Variants in STK38L observed in about 807,000 individuals in gnomAD.
STK38L encodes the protein serine/threonine kinase 38 like.
A neutral mutation model predicts 59.7 loss-of-function variants in STK38L; 28 were observed. The ratio of observed to expected loss-of-function variants is 0.47; its 90% confidence interval spans 0.35 to 0.64. The LOEUF is 0.64. Among genes scored for constraint, STK38L ranks in the 30% least tolerant of loss-of-function variants. The probability of loss-of-function intolerance (pLI) is 0.01; values close to 1 mark genes in which losing one functional copy is unlikely to be tolerated. For missense variants in STK38L, 314 were observed against 555.8 expected, an observed-to-expected ratio of 0.56 and a Z score of 4.37; for synonymous variants, 162 against 176.8, an observed-to-expected ratio of 0.92 and a Z score of 0.66.
At chr12:27,259,219 G>A (rs1047939637) in intron 1 of STK38L, among the ~76,000 whole-genome samples, 5 of 152,116 alleles carry the variant, frequency 3.3e-5, no homozygotes, top group Admixed American at 2.0e-4. Flanking sequence ...ATTTTCTTTT[G>A]TTATGTTTGT....
rs980755280 is a variant in STK38L at position 27,308,825 on chromosome 12, A to AAT, written c.310-280_310-279dup. 6.8e-5 allele frequency among the ~76,000 whole-genome samples: 10 copies of AAT among 148,080 alleles called. No homozygotes were observed. Among genetic ancestry groups the AAT allele is most frequent in the Non-Finnish European group, 5.9e-5 (4 of 67,282 alleles). On this transcript the variant is annotated intron_variant, in intron 4 of 13. Transcript: ENST00000389032. The surrounding 1 kb of genome is among the most constrained non-coding windows in gnomAD (Gnocchi z 4.5). The stretch of plus-strand genomic sequence containing the variant: ...CATGAGTGAAACGCTCTCTCAAAAA[A>AAT]ATATATATATGTGTTTGTATGTATA...
intron 1 of STK38L, among the ~76,000 whole-genome samples, chr12:27,291,484 TC>T (rs1943895022): frequency 6.6e-6 from 1 of 152,172 alleles, no homozygotes; most frequent in African/African-American, 2.4e-5. Context: ...GATCATGAAC[TC>T]CCTAAGGGCC....
intron 1 of STK38L, among the ~76,000 whole-genome samples, chr12:27,261,602 T>G (rs1943205653): frequency 6.6e-6 from 1 of 152,222 alleles, no homozygotes; most frequent in African/African-American, 2.4e-5. Context: ...CAGTAATATC[T>G]GAACTTTTTG....
chr12:27,255,065 C>T (rs1943062968), intron 1 of STK38L, among the ~76,000 whole-genome samples: 1 of 152,216 alleles, frequency 6.6e-6, no homozygotes, highest in East Asian at 1.9e-4. Context: ...CAGAAATCAA[C>T]ATACTTTAAA....
intron 1 of STK38L, among the ~76,000 whole-genome samples, chr12:27,274,828 T>C (rs1467728575): frequency 6.6e-6 from 1 of 152,214 alleles, no homozygotes; most frequent in Admixed American, 6.5e-5. Context: ...TATGTTTTCT[T>C]TTCTCTACTT....
chr12:27,254,165 C>A (rs961905060), intron 1 of STK38L, among the ~76,000 whole-genome samples: 1 of 152,174 alleles, frequency 6.6e-6, no homozygotes, highest in African/African-American at 2.4e-5. Flanking sequence ...TTCAAGAGCA[C>A]CTGACTTGAG....
chr12:27,268,933 G>A lies in STK38L; in HGVS notation c.-12+24601G>A, dbSNP rs1293119276. 2.0e-5 allele frequency among the ~76,000 whole-genome samples: 3 copies of A among 152,138 alleles called. No homozygotes were observed. In the South Asian group the frequency reaches 6.2e-4, roughly 32 times the overall value. On this transcript the variant is annotated intron_variant, in intron 1 of 13. Coordinates refer to ENST00000389032, the MANE Select transcript of STK38L (RefSeq NM_015000.4). ...AAATGTCTTCTTTTGAGAAGTGTCT[G>A]TTCATATCCTTCGCCCACTTTTTGA...
At chr12:27,290,641 T>C (rs1050049325) in intron 1 of STK38L, among the ~76,000 whole-genome samples, 4 of 152,166 alleles carry the variant, frequency 2.6e-5, no homozygotes, top group African/African-American at 4.8e-5. Flanking sequence ...TATTCTGTAA[T>C]CTCAAATGTG....
chr12:27,264,785 A>G (rs902865996), intron 1 of STK38L, among the ~76,000 whole-genome samples: 3 of 152,228 alleles, frequency 2.0e-5, no homozygotes, highest in Non-Finnish European at 4.4e-5. Context: ...ATTTTGGTAT[A>G]CAAGGGGGAT....
chr12:27,287,660 C>T (rs1046777527), intron 1 of STK38L, among the ~76,000 whole-genome samples: 1 of 151,966 alleles, frequency 6.6e-6, no homozygotes, highest in East Asian at 1.9e-4. Flanking sequence ...TTCTTCCCCT[C>T]CTTCCTTCAT....
At chr12:27,260,556 CTG>C (rs1241555294) in intron 1 of STK38L, among the ~76,000 whole-genome samples, 1 of 152,204 alleles carries the variant, frequency 6.6e-6, no homozygotes, top group Non-Finnish European at 1.5e-5. Context: ...CTCACTCTCT[CTG>C]TGCCGTACTG....
chr12:27,301,495 C>T (rs765323820), intron 2 of STK38L, among the ~76,000 whole-genome samples: 3 of 152,130 alleles, frequency 2.0e-5, no homozygotes, highest in African/African-American at 4.8e-5. Flanking sequence ...CTCCTGACCT[C>T]GTGATCCGCC....
intron 6 of STK38L, 89 bp downstream of exon 6, chr12:27,312,761 T>G: frequency 6.7e-7 from 1 of 1,495,684 alleles, no homozygotes; most frequent in Non-Finnish European, 9.0e-7. Flanking sequence ...TACTTTTATA[T>G]TCTTTGCTCT....
chr12:27,320,331 A>T (rs1402782454), intron 12 of STK38L, among the ~76,000 whole-genome samples: 1 of 151,676 alleles, frequency 6.6e-6, no homozygotes, highest in Non-Finnish European at 1.5e-5. Flanking sequence ...CTGTGGCATG[A>T]TCATGGCTCA....
intron 1 of STK38L, among the ~76,000 whole-genome samples, chr12:27,247,287 G>A (rs1942874833): frequency 6.6e-6 from 1 of 152,204 alleles, no homozygotes; most frequent in African/African-American, 2.4e-5. Context: ...GGTAGGACCA[G>A]GATTCTGACC....
Position 27,309,190 on chromosome 12 carries a change from A to G in STK38L, c.386A>G (p.Lys129Arg). 6.3e-7 allele frequency: 1 copy of G among 1,598,110 alleles called. No individual in the cohort carries two copies. The highest frequency in any genetic ancestry group is 1.1e-5 in the South Asian group (1 of 89,884). Reference sequence around the variant, plus strand: ...TTGAGAAAGTCTGATATGCTTGAAAAAGAGCAGGTATGAGTTCTTTAACAC... The same window carrying G: ...TTGAGAAAGTCTGATATGCTTGAAAGAGAGCAGGTATGAGTTCTTTAACAC... The part of the protein sequence containing the change: ...KILRKSDMLE[K>R]EQVAHIRAER... Residue 129 changes from lysine (K) to arginine (R), a missense_variant, in exon 5 of 14, where the codon AAA (lysine) becomes AGA (arginine). Physicochemically the swap from Lys to Arg is conservative, Grantham distance 26. Coordinates refer to ENST00000389032, the MANE Select transcript of STK38L (RefSeq NM_015000.4).
rs1292278913 is a variant in STK38L, at chr12:27,308,819, C to G, written c.310-295C>G. ...GGGCAACATGAGTGAAACGCTCTCT[C>G]AAAAAAATATATATATGTGTTTGTA... On this transcript the variant is annotated intron_variant, in intron 4 of 13. Transcript: ENST00000389032. This position sits in a 1 kb window ranked among gnomAD's most constrained non-coding sequence, Gnocchi z 4.5. 6.9e-6 allele frequency among the ~76,000 whole-genome samples: 1 copy of G among 144,302 alleles called. No homozygotes were observed. Among genetic ancestry groups the G allele is most frequent in the Non-Finnish European group, 1.5e-5 (1 of 66,394 alleles). The allele number at this position is 144,302 out of a possible 152,430, so 94.7% of individuals were successfully genotyped here. A position where few individuals can be genotyped will look rare whatever the true frequency, so the allele number is the denominator to read the frequency against.
At chr12:27,255,018 G>A (rs1022165066) in intron 1 of STK38L, among the ~76,000 whole-genome samples, 1 of 152,326 alleles carries the variant, frequency 6.6e-6, no homozygotes, top group Non-Finnish European at 1.5e-5. Context: ...ATATGGACCA[G>A]TGTCTCTTTA....
chr12:27,272,403 T>C (rs1943442299), intron 1 of STK38L, among the ~76,000 whole-genome samples: 2 of 152,232 alleles, frequency 1.3e-5, no homozygotes, highest in African/African-American at 2.4e-5. Context: ...TTAAGAACTT[T>C]GCCATGCGAT....
Sources: gnomAD v4.1 joint callset for allele counts (sites outside exome capture counted in the v4.1 genomes callset) on GRCh38, gnomAD v4.1.1 for gene constraint, Gnocchi (gnomAD v3.1) non-coding constraint, MANE v1.5 for transcripts, NCBI Gene and HGNC (gene_info 2026-07-23, HGNC 2026-07-21) for gene names.